Variants in COL13A1 observed in about 807,000 individuals in gnomAD.
COL13A1 encodes collagen type XIII alpha 1 chain.
In COL13A1, 89 loss-of-function variants were observed where a neutral mutation model predicts 130.9. The ratio of observed to expected loss-of-function variants is 0.68; its 90% CI spans 0.57 to 0.81. The LOEUF (loss-of-function observed/expected upper bound fraction) is 0.81. Ranked by LOEUF, COL13A1 falls within the 30% of genes least tolerant of loss-of-function variation. COL13A1 has a pLI of 0.00. For missense variants in COL13A1, 879 were observed against 934.6 expected (o/e 0.94, Z 0.78); for synonymous variants, 402 against 341.6 (o/e 1.18, Z -1.95).
At chr10:69,866,295 G>A (rs61850376) in intron 2 of COL13A1, among the ~76,000 whole-genome samples, 11,130 of 152,254 alleles carry the variant, frequency 0.073, 588 homozygotes, top group Non-Finnish European at 0.11. Context: ...CTGTGTCACT[G>A]GGGGCATCAC....
At chr10:69,829,224 C>T (rs562059249) in intron 2 of COL13A1, 1 of 985,410 alleles carries the variant, frequency 1.0e-6, no homozygotes, top group East Asian at 1.1e-4. Context: ...ACCGTCATCA[C>T]CCTTGTTCAG....
At position 69,872,194 on chromosome 10, in the gene COL13A1, G is replaced by A. The variant is rs1281282916; in HGVS notation, c.383G>A (p.Gly128Glu). ...NCPPGPPGPT[G>E]RPGLPGDKGA... Reference sequence around the variant, plus strand: ...CACTCTTCATTTCAGGGTCCCACTGGAAGACCCGGACTCCCAGTAAGTCAC... The same window carrying A: ...CACTCTTCATTTCAGGGTCCCACTGAAAGACCCGGACTCCCAGTAAGTCAC... Residue 128 changes from glycine (G) to glutamate (E), a missense_variant, in exon 4 of 41, where the codon GGA becomes GAA. This residue lies in a region of COL13A1 where 715 missense variants were observed against 721.0 expected (regional missense o/e 0.99). Coordinates refer to ENST00000645393, the MANE Select transcript of COL13A1 (RefSeq NM_001368882.1). 1 of 1,613,930 alleles carries A rather than the reference G, an allele frequency of 6.2e-7. No homozygotes were observed. The highest frequency in any genetic ancestry group is 8.5e-7 in the Non-Finnish European group (1 of 1,179,916).
chr10:69,922,005 C>A, intron 22 of COL13A1, 70 bp downstream of exon 22: 1 of 1,512,520 alleles, frequency 6.6e-7, no homozygotes, highest in Non-Finnish European at 8.9e-7. Context: ...CCTGCACATC[C>A]ACACAGGCCC....
chr10:69,945,569 G>A (rs2136178213), intron 36 of COL13A1, 102 bp from the exon 37 acceptor site: 1 of 1,496,038 alleles, frequency 6.7e-7, no homozygotes, highest in South Asian at 1.2e-5. Flanking sequence ...GGCTCTTGAG[G>A]GGACTGGAGA....
intron 17 of COL13A1, 56 bp from the exon 18 acceptor site, chr10:69,917,233 G>A: frequency 6.2e-7 from 1 of 1,606,478 alleles, no homozygotes. Context: ...CATCCTTGCA[G>A]GCTGACAGGC....
At chr10:69,950,442 C>T (rs1046971602) in intron 38 of COL13A1, among the ~76,000 whole-genome samples, 2 of 152,166 alleles carry the variant, frequency 1.3e-5, no homozygotes, top group East Asian at 1.9e-4. Context: ...GTCTGGAACA[C>T]GCCAACCCTC....
chr10:69,919,809 G>T, intron 21 of COL13A1, 82 bp downstream of exon 21: 1 of 398,628 alleles, frequency 2.5e-6, no homozygotes, highest in South Asian at 1.3e-4. Flanking sequence ...TCCATGGCTG[G>T]TGTGTCGCCT....
At chr10:69,945,807 T>A in intron 37 of COL13A1, 83 bp downstream of exon 37, 1 of 1,527,110 alleles carries the variant, frequency 6.5e-7, no homozygotes, top group Non-Finnish European at 8.9e-7. Context: ...GCATGGTGGC[T>A]CACACCTGTA....
At chr10:69,904,327 G>A (rs758508987) in intron 15 of COL13A1, among the ~76,000 whole-genome samples, 1 of 151,998 alleles carries the variant, frequency 6.6e-6, no homozygotes, top group East Asian at 1.9e-4. Context: ...AAACCAGAGA[G>A]CATGTTTCTT....
At chr10:69,938,125 TC>T (rs1449519177) in intron 34 of COL13A1, among the ~76,000 whole-genome samples, 2 of 152,076 alleles carry the variant, frequency 1.3e-5, no homozygotes, top group Admixed American at 1.3e-4. Flanking sequence ...GAACTCTTGC[TC>T]CCCCCTCTTA....
chr10:69,839,859 G>C (rs183428439), intron 2 of COL13A1, among the ~76,000 whole-genome samples: 11 of 152,292 alleles, frequency 7.2e-5, no homozygotes, highest in Admixed American at 5.2e-4. Context: ...TCTGGCCTGT[G>C]GTATTTGTAC....
intron 2 of COL13A1, among the ~76,000 whole-genome samples, chr10:69,864,394 T>C (rs528720353): frequency 6.6e-6 from 1 of 152,350 alleles, no homozygotes; most frequent in African/African-American, 2.4e-5. Flanking sequence ...ATGTTTGTTT[T>C]AGTTCTCATC....
chr10:69,949,775 G>A (rs1324361082), intron 38 of COL13A1, among the ~76,000 whole-genome samples: 2 of 152,166 alleles, frequency 1.3e-5, no homozygotes, highest in African/African-American at 4.8e-5. Flanking sequence ...GATAAAGGGT[G>A]GCATGAATCT....
intron 17 of COL13A1, among the ~76,000 whole-genome samples, chr10:69,916,565 T>G (rs968644036): frequency 2.6e-5 from 4 of 152,212 alleles, no homozygotes; most frequent in Non-Finnish European, 5.9e-5. Flanking sequence ...TGATCTCACC[T>G]TACTGTCATA....
chr10:69,925,941 G>A (rs1337914784), intron 26 of COL13A1, 69 bp downstream of exon 26: 1 of 1,361,912 alleles, frequency 7.3e-7, no homozygotes, highest in Admixed American at 2.0e-5. Context: ...CCCTGATCAG[G>A]GGGCCCTTCC....
At chr10:69,819,679 C>A (rs1211868952) in intron 1 of COL13A1, among the ~76,000 whole-genome samples, 1 of 152,178 alleles carries the variant, frequency 6.6e-6, no homozygotes, top group Non-Finnish European at 1.5e-5. Context: ...GCAGCCAACA[C>A]TCCCAACAGC....
chr10:69,941,159 C>A, intron 35 of COL13A1, 136 bp downstream of exon 35: 1 of 1,443,250 alleles, frequency 6.9e-7, no homozygotes, highest in Non-Finnish European at 9.6e-7. Flanking sequence ...AGAAAGGTGC[C>A]ACTGATGCTC....
intron 19 of COL13A1, 126 bp from the exon 20 acceptor site, chr10:69,918,936 G>A (rs368776382): frequency 1.5e-5 from 16 of 1,084,704 alleles, no homozygotes; most frequent in African/African-American, 1.2e-4. Flanking sequence ...GAGAAGAGCC[G>A]GGGCTGGCCA....
In COL13A1 at chr10:69,894,587, C is replaced by T. The variant is rs2134798519; in HGVS notation, c.630+9C>T. ...GTCCCCCAGGACAGCCGGTTGGTACCTCATCCATCTATTTCCCAGCAGAGA... is the reference window on the plus strand; with the variant it reads ...GTCCCCCAGGACAGCCGGTTGGTACTTCATCCATCTATTTCCCAGCAGAGA... On this transcript the variant is annotated intron_variant, in intron 11 of 40. Transcript: ENST00000645393. The T allele has an allele frequency of 6.2e-7, 1 of 1,614,020 alleles. No individual in the cohort carries two copies. Among genetic ancestry groups the T allele is most frequent in the Non-Finnish European group, 8.5e-7 (1 of 1,179,894 alleles).
Sources: gnomAD v4.1 joint callset for allele counts (sites outside exome capture counted in the v4.1 genomes callset) on GRCh38, gnomAD v4.1.1 for gene constraint, gnomAD v4.1.1 regional missense constraint, MANE v1.5 for transcripts, NCBI Gene and HGNC (gene_info 2026-07-23, HGNC 2026-07-21) for gene names.